LEKR1: variants seen among roughly 807,000 people sequenced by gnomAD.
LEKR1 encodes leucine, glutamate and lysine rich 1.
Under a neutral mutation model 72.4 loss-of-function variants are expected in LEKR1, and 59 were observed. The ratio of observed to expected loss-of-function variants is 0.82; its 90% CI spans 0.66 to 1.01. LEKR1 has a LOEUF of 1.01. Ranked by LOEUF, LEKR1 falls within the 50% of genes least tolerant of loss-of-function variation. The probability of loss-of-function intolerance (pLI) is 0.00; values close to 1 mark genes in which losing one functional copy is unlikely to be tolerated. For synonymous variants in LEKR1, 257 were observed against 263.2 expected, an observed-to-expected ratio of 0.98 and a Z score of 0.23; for missense variants, 728 against 759.2, an observed-to-expected ratio of 0.96 and a Z score of 0.48.
chr3:157,018,938 A>G (rs1733598022), intron 10 of LEKR1, among the ~76,000 whole-genome samples: 1 of 152,172 alleles, frequency 6.6e-6, no homozygotes, highest in Non-Finnish European at 1.5e-5. Flanking sequence ...TGCAGCCTAC[A>G]TATTCTGATT....
chr3:156,902,049 T>C (rs1396772753), intron 3 of LEKR1, among the ~76,000 whole-genome samples: 1 of 152,192 alleles, frequency 6.6e-6, no homozygotes, highest in Non-Finnish European at 1.5e-5. Context: ...TCTTGAATGT[T>C]TTCAAAGAAA....
chr3:156,939,554 G>A (rs1439187236), intron 5 of LEKR1, among the ~76,000 whole-genome samples: 1 of 152,040 alleles, frequency 6.6e-6, no homozygotes, highest in Non-Finnish European at 1.5e-5. Context: ...ATTAAGTTAG[G>A]CTTTAAAATC....
chr3:156,893,373 C>T (rs1351079617), intron 3 of LEKR1, among the ~76,000 whole-genome samples: 1 of 152,092 alleles, frequency 6.6e-6, no homozygotes, highest in East Asian at 1.9e-4. Context: ...TTATATTTTA[C>T]AAGAAAAATA....
intron 4 of LEKR1, among the ~76,000 whole-genome samples, 152 bp from the exon 5 acceptor site, chr3:156,927,277 G>A (rs979079980): frequency 2.0e-5 from 3 of 151,834 alleles, no homozygotes; most frequent in African/African-American, 7.2e-5. Context: ...TTTGTGTTTT[G>A]TCTCAGCATA....
At chr3:156,956,412 A>C (rs966020894) in intron 6 of LEKR1, among the ~76,000 whole-genome samples, 1 of 152,074 alleles carries the variant, frequency 6.6e-6, no homozygotes, top group Non-Finnish European at 1.5e-5. Context: ...CTATGTTTTT[A>C]TAGGGATGTT....
At chr3:156,867,746 A>C (rs1048817071) in intron 3 of LEKR1, among the ~76,000 whole-genome samples, 1 of 151,990 alleles carries the variant, frequency 6.6e-6, no homozygotes, top group African/African-American at 2.4e-5. Flanking sequence ...TAAATATGTC[A>C]CTATCTTTCA....
intron 3 of LEKR1, among the ~76,000 whole-genome samples, chr3:156,868,024 G>A (rs1241367442): frequency 6.6e-6 from 1 of 152,036 alleles, no homozygotes. Flanking sequence ...TGGCAACAGT[G>A]TAACTCTTGC....
At chr3:156,878,089 T>A (rs964013748) in intron 3 of LEKR1, among the ~76,000 whole-genome samples, 3 of 152,104 alleles carry the variant, frequency 2.0e-5, no homozygotes, top group African/African-American at 7.2e-5. Flanking sequence ...CAGCCTCATT[T>A]ATCTTTTTTA....
chr3:156,926,956 T>A (rs951503933), intron 4 of LEKR1, among the ~76,000 whole-genome samples: 3 of 151,926 alleles, frequency 2.0e-5, no homozygotes, highest in African/African-American at 7.2e-5. Flanking sequence ...TGTTGGATTT[T>A]ATGAAGCAAA....
Position 156,958,879 on chromosome 3 carries a change from A to G in LEKR1, c.745+16165A>G, listed in dbSNP as rs369410850. ...GTCTCCTGTAAATTTCTCTAGTTCC[A>G]ATTATGTTCCCATTCAAATCGTTTT... On this transcript the variant is annotated intron_variant, in intron 6 of 12. Coordinates refer to ENST00000356539, the MANE Select transcript of LEKR1 (RefSeq NM_001004316.3). Among the ~76,000 whole-genome samples the G allele has an allele frequency of 1.8e-3, 268 of 152,176 alleles. 6 individuals are homozygous for G. The South Asian group carries it at 0.033, about 19-fold the overall frequency.
intron 6 of LEKR1, among the ~76,000 whole-genome samples, chr3:156,957,420 T>C (rs1315406321): frequency 6.6e-6 from 1 of 151,924 alleles, no homozygotes; most frequent in African/African-American, 2.4e-5. Flanking sequence ...TAATTTTTTT[T>C]CTCTTTTAAA....
At chr3:156,933,545 G>A (rs193280229) in intron 5 of LEKR1, among the ~76,000 whole-genome samples, 113 of 152,150 alleles carry the variant, frequency 7.4e-4, no homozygotes, top group African/African-American at 2.4e-3. Context: ...TAAAATAGTC[G>A]TCTTGGTAAT....
At chr3:156,938,081 G>A (rs1002103226) in intron 5 of LEKR1, among the ~76,000 whole-genome samples, 8 of 152,026 alleles carry the variant, frequency 5.3e-5, no homozygotes, top group African/African-American at 1.9e-4. Context: ...GAGCAATTTT[G>A]TATTTTGATT....
chr3:156,963,504 C>T (rs1272405405), intron 6 of LEKR1, among the ~76,000 whole-genome samples: 1 of 152,150 alleles, frequency 6.6e-6, no homozygotes, highest in African/African-American at 2.4e-5. Flanking sequence ...TCTCCCCATA[C>T]TCCCACCCTC....
intron 4 of LEKR1, among the ~76,000 whole-genome samples, chr3:156,921,719 C>T (rs952001305): frequency 8.5e-5 from 13 of 152,190 alleles, no homozygotes; most frequent in African/African-American, 2.7e-4. Flanking sequence ...CCATATCTGC[C>T]GCAGAAGGCT....
chr3:156,989,980 T>A (rs1433248073), intron 7 of LEKR1, among the ~76,000 whole-genome samples: 2 of 152,212 alleles, frequency 1.3e-5, no homozygotes, highest in East Asian at 3.8e-4. Context: ...CCATCCATAT[T>A]TCAATTTTGT....
At chr3:156,885,861 T>C (rs1720008701) in intron 3 of LEKR1, among the ~76,000 whole-genome samples, 1 of 152,176 alleles carries the variant, frequency 6.6e-6, no homozygotes, top group African/African-American at 2.4e-5. Flanking sequence ...TATTCTGTTG[T>C]GAGTTTCTGT....
At chr3:156,938,238 T>G (rs1413298940) in intron 5 of LEKR1, among the ~76,000 whole-genome samples, 2 of 152,172 alleles carry the variant, frequency 1.3e-5, no homozygotes, top group Non-Finnish European at 2.9e-5. Flanking sequence ...GTTTTGATAG[T>G]GTGCTACAGT....
chr3:156,894,515 A>G (rs757552042), intron 3 of LEKR1, among the ~76,000 whole-genome samples: 22 of 152,110 alleles, frequency 1.4e-4, no homozygotes, highest in African/African-American at 1.2e-4. Context: ...ATGTAGTGAT[A>G]TTTTTCATAG....
Sources: gnomAD v4.1 joint callset for allele counts (sites outside exome capture counted in the v4.1 genomes callset) on GRCh38, gnomAD v4.1.1 for gene constraint, MANE v1.5 for transcripts, NCBI Gene and HGNC (gene_info 2026-07-23, HGNC 2026-07-21) for gene names.